Variants in ACMSD observed in about 807,000 individuals in gnomAD.
The protein encoded by ACMSD is aminocarboxymuconate semialdehyde decarboxylase, also known as 2-amino-3-carboxymuconate-6-semialdehyde decarboxylase.
In ACMSD, 37 loss-of-function variants were observed where a neutral mutation model predicts 45.9. The ratio of observed to expected loss-of-function variants is 0.81; its 90% CI spans 0.62 to 1.06. The LOEUF is 1.06. ACMSD is among the 50% of genes least tolerant of loss of function. The probability of loss-of-function intolerance (pLI) is 0.00; values close to 1 mark genes in which losing one functional copy is unlikely to be tolerated. For synonymous variants in ACMSD, 138 were observed against 148.8 expected (o/e 0.93, Z 0.53); for missense variants, 434 against 420.9 (o/e 1.03, Z -0.27).
intron 8 of ACMSD, among the ~76,000 whole-genome samples, chr2:134,895,860 T>A (rs1287557016): frequency 6.6e-6 from 1 of 152,000 alleles, no homozygotes; most frequent in East Asian, 1.9e-4. Flanking sequence ...AAACTCCGTC[T>A]CAAAAAAGAA....
At position 134,871,710 on chromosome 2, in the gene ACMSD, C is replaced by CAT. The variant is rs1559055122; in HGVS notation, c.676+651_676+652insTA. Among the ~76,000 whole-genome samples, 18 of 151,376 alleles carry CAT rather than the reference C, an allele frequency of 1.2e-4. No homozygotes were observed. The South Asian group carries it at 3.8e-3, about 32-fold the overall frequency. On this transcript the variant is annotated intron_variant, in intron 7 of 9. Transcript: ENST00000356140. The stretch of plus-strand genomic sequence containing the variant: ...ACACACACACACACACACACACACA[C>CAT]ACAATCAAACTACACATGTTACTCG...
intron 4 of ACMSD, 106 bp downstream of exon 4, chr2:134,862,124 C>G: frequency 8.5e-7 from 1 of 1,179,078 alleles, no homozygotes; most frequent in Admixed American, 1.7e-5. Flanking sequence ...ACTAACTGCC[C>G]CCAACAACTG....
intron 1 of ACMSD, among the ~76,000 whole-genome samples, chr2:134,842,628 A>G (rs887021032): frequency 5.3e-5 from 8 of 151,996 alleles, no homozygotes; most frequent in African/African-American, 1.9e-4. Flanking sequence ...TGCCCCCATC[A>G]TCACCACCGT....
At chr2:134,897,597 A>G (rs1436229282) in intron 8 of ACMSD, among the ~76,000 whole-genome samples, 4 of 152,116 alleles carry the variant, frequency 2.6e-5, no homozygotes, top group African/African-American at 9.7e-5. Flanking sequence ...TACTTTGATA[A>G]ATTGCCATTA....
At chr2:134,861,142 T>G (rs1687832570) in intron 3 of ACMSD, among the ~76,000 whole-genome samples, 1 of 152,140 alleles carries the variant, frequency 6.6e-6, no homozygotes, top group Non-Finnish European at 1.5e-5. Flanking sequence ...ATCCCTCTGT[T>G]CTAAAAGTAT....
At chr2:134,868,253 G>A (rs1688217143) in intron 6 of ACMSD, among the ~76,000 whole-genome samples, 1 of 152,116 alleles carries the variant, frequency 6.6e-6, no homozygotes, top group Non-Finnish European at 1.5e-5. Context: ...TCTGCCCTTT[G>A]CCTCCTGCAC....
intron 8 of ACMSD, among the ~76,000 whole-genome samples, chr2:134,876,875 G>T (rs576093916): frequency 6.6e-6 from 1 of 152,170 alleles, no homozygotes; most frequent in African/African-American, 2.4e-5. Flanking sequence ...TCCACCTCCT[G>T]GGTTCAAGCG....
At chr2:134,868,404 C>A (rs1688233013) in intron 6 of ACMSD, among the ~76,000 whole-genome samples, 1 of 151,566 alleles carries the variant, frequency 6.6e-6, no homozygotes, top group Non-Finnish European at 1.5e-5. Flanking sequence ...CATCTACAAA[C>A]CCAATGAAAA....
At chr2:134,851,215 G>A (rs1396501373) in intron 2 of ACMSD, among the ~76,000 whole-genome samples, 4 of 152,122 alleles carry the variant, frequency 2.6e-5, no homozygotes, top group Non-Finnish European at 5.9e-5. Context: ...TCATCGTTAT[G>A]GGCACCTAGG....
intron 9 of ACMSD, among the ~76,000 whole-genome samples, chr2:134,900,363 A>T (rs1690427157): frequency 6.6e-6 from 1 of 152,018 alleles, no homozygotes; most frequent in Non-Finnish European, 1.5e-5. Flanking sequence ...CTCCCTCCCC[A>T]TTAGTCACTT....
intron 5 of ACMSD, among the ~76,000 whole-genome samples, chr2:134,863,882 C>T (rs1687968078): frequency 1.3e-5 from 2 of 152,154 alleles, no homozygotes; most frequent in South Asian, 2.1e-4. Flanking sequence ...CTTTCCATCC[C>T]CCTTGCCCTC....
chr2:134,901,352 G>A (rs1222558488), intron 9 of ACMSD, among the ~76,000 whole-genome samples: 1 of 152,084 alleles, frequency 6.6e-6, no homozygotes, highest in African/African-American at 2.4e-5. Context: ...CTCTTGCTCT[G>A]AAAAAGCTTA....
At chr2:134,889,785 C>A (rs1689672100) in intron 8 of ACMSD, among the ~76,000 whole-genome samples, 1 of 151,904 alleles carries the variant, frequency 6.6e-6, no homozygotes, top group Non-Finnish European at 1.5e-5. Flanking sequence ...ATACAGGAGT[C>A]AACCTGAAGA....
chr2:134,859,252 C>A lies in ACMSD; in HGVS notation c.103-9C>A, dbSNP rs1302112624. 6.2e-7 allele frequency: 1 copy of A among 1,613,458 alleles called. No individual in the cohort carries two copies. Among genetic ancestry groups the A allele is most frequent in the Admixed American group, 1.7e-5 (1 of 60,004 alleles). ...GTTGCATTTTAGTAATGTGGGTTTTCTGCCCCAGGGAGAAGCAAAGTTGTT... is the reference window on the plus strand; with the variant it reads ...GTTGCATTTTAGTAATGTGGGTTTTATGCCCCAGGGAGAAGCAAAGTTGTT... On this transcript the variant is annotated splice_polypyrimidine_tract_variant and intron_variant, in intron 2 of 9. Coordinates refer to ENST00000356140, the MANE Select transcript of ACMSD (RefSeq NM_138326.3).
chr2:134,893,832 A>T (rs1292174224), intron 8 of ACMSD, among the ~76,000 whole-genome samples: 7 of 152,238 alleles, frequency 4.6e-5, no homozygotes, highest in Non-Finnish European at 8.8e-5. Flanking sequence ...CCTGCCATAC[A>T]AGAAATGCCA....
At chr2:134,884,118 C>G (rs1311736562) in intron 8 of ACMSD, among the ~76,000 whole-genome samples, 1 of 152,110 alleles carries the variant, frequency 6.6e-6, no homozygotes, top group Non-Finnish European at 1.5e-5. Context: ...AAGCCAAATA[C>G]AAGTACATAC....
intron 8 of ACMSD, among the ~76,000 whole-genome samples, chr2:134,886,621 A>G (rs190257554): frequency 6.6e-6 from 1 of 152,220 alleles, no homozygotes; most frequent in Admixed American, 6.5e-5. Context: ...AGAGATTGTC[A>G]TAAAAAAAAT....
Position 134,840,122 on chromosome 2 carries a change from AATTTTAGTATTTGGT to A in ACMSD, c.57+1390_57+1404del, listed in dbSNP as rs1686715065. ...AATCTGAGAGTTTTAGAAAAATCCA[AATTTTAGTATTTGGT>A]ATTTTAAAATAGCCATAAACTATAC... On this transcript the variant is annotated intron_variant, in intron 1 of 9. Transcript: ENST00000356140. Among the ~76,000 whole-genome samples, 3 of 140,194 alleles carry A rather than the reference AATTTTAGTATTTGGT, an allele frequency of 2.1e-5. No homozygotes were observed. In the South Asian group the frequency reaches 7.7e-4, roughly 36 times the overall value. The allele number at this position is 140,194 out of a possible 152,430, so 92.0% of individuals were successfully genotyped here.
At chr2:134,870,073 G>A (rs1344386989) in intron 6 of ACMSD, among the ~76,000 whole-genome samples, 1 of 152,230 alleles carries the variant, frequency 6.6e-6, no homozygotes, top group African/African-American at 2.4e-5. Flanking sequence ...CGGGCAGAAT[G>A]AGCATCCTGT....
Sources: gnomAD v4.1 joint callset for allele counts (sites outside exome capture counted in the v4.1 genomes callset) on GRCh38, gnomAD v4.1.1 for gene constraint, MANE v1.5 for transcripts, NCBI Gene and HGNC (gene_info 2026-07-23, HGNC 2026-07-21) for gene names.